The following SETBP1 variants were observed in gnomAD, a reference collection of about 807,000 sequenced individuals.
SETBP1 encodes the protein SET binding protein 1.
A neutral mutation model predicts 101.0 loss-of-function variants in SETBP1; 9 were observed. The observed-to-expected ratio is 0.09, with a 90% confidence interval of 0.05 to 0.16. The LOEUF is 0.16. SETBP1 is among the 10% of genes least tolerant of loss of function. The pLI is 1.00. For missense variants in SETBP1, 1,858 were observed against 2,033.8 expected, an observed-to-expected ratio of 0.91 and a Z score of 1.66; for synonymous variants, 818 against 788.5, an observed-to-expected ratio of 1.04 and a Z score of -0.63.
intron 4 of SETBP1, among the ~76,000 whole-genome samples, chr18:45,014,489 G>A (rs2072903096): frequency 6.6e-6 from 1 of 152,232 alleles, no homozygotes; most frequent in East Asian, 1.9e-4. Context: ...ACAGGTTCAT[G>A]TAGAATGGAA....
rs574033690 is a variant in SETBP1 at position 44,843,878 on chromosome 18, G to A, written c.487-25352G>A. On this transcript the variant is annotated intron_variant, in intron 2 of 5. Transcript: ENST00000649279. ...AAACCACCACAATTAAACTCCACAG[G>A]CATCTTTATCAGAGTGTCCTCCCAA... Among the ~76,000 whole-genome samples the A allele has an allele frequency of 8.5e-5, 13 of 152,222 alleles. 1 individual carries two copies. Among genetic ancestry groups the A allele is most frequent in the Admixed American group, 2.6e-4 (4 of 15,290 alleles).
intron 3 of SETBP1, among the ~76,000 whole-genome samples, chr18:44,890,993 A>T (rs2069755828): frequency 1.3e-5 from 2 of 152,178 alleles, no homozygotes; most frequent in African/African-American, 4.8e-5. Flanking sequence ...GACATACTGA[A>T]GACTGGGCAA....
chr18:44,892,635 G>T (rs551164050), intron 3 of SETBP1, among the ~76,000 whole-genome samples: 120 of 152,186 alleles, frequency 7.9e-4, no homozygotes, highest in African/African-American at 2.2e-3. Context: ...TTTGTGGCTG[G>T]ACAGCTTTTA....
chr18:45,056,044 A>T (rs1464844198), intron 5 of SETBP1, among the ~76,000 whole-genome samples: 1 of 152,184 alleles, frequency 6.6e-6, no homozygotes, highest in Admixed American at 6.5e-5. Flanking sequence ...GCAGGGTAAC[A>T]TTACTGACAG....
At chr18:44,800,803 T>C (rs2071590614) in intron 2 of SETBP1, among the ~76,000 whole-genome samples, 1 of 152,106 alleles carries the variant, frequency 6.6e-6, no homozygotes, top group African/African-American at 2.4e-5. Context: ...TTAAAAGCAG[T>C]GGGTGCCATT....
At chr18:44,903,061 G>A (rs1393055505) in intron 3 of SETBP1, among the ~76,000 whole-genome samples, 1 of 152,092 alleles carries the variant, frequency 6.6e-6, no homozygotes, top group Non-Finnish European at 1.5e-5. Flanking sequence ...ATTGCAGGAA[G>A]CATGACCATC....
At chr18:45,061,362 A>G (rs970466267) in intron 5 of SETBP1, among the ~76,000 whole-genome samples, 3 of 152,218 alleles carry the variant, frequency 2.0e-5, no homozygotes, top group African/African-American at 7.2e-5. Context: ...ACAGACAGGC[A>G]TTGGTTCTTG....
chr18:44,906,043 CAGT>C (rs2070167531), intron 3 of SETBP1, among the ~76,000 whole-genome samples: 1 of 152,166 alleles, frequency 6.6e-6, no homozygotes, highest in African/African-American at 2.4e-5. Context: ...GGCCCAGCAG[CAGT>C]TCTGATTAGA....
chr18:44,789,949 C>T (rs1035469189), intron 2 of SETBP1, among the ~76,000 whole-genome samples: 2 of 152,202 alleles, frequency 1.3e-5, no homozygotes, highest in African/African-American at 2.4e-5. Context: ...GTGTGACAAG[C>T]TGTGTGATCC....
chr18:44,908,956 C>A (rs958401150), intron 3 of SETBP1, among the ~76,000 whole-genome samples: 2 of 152,146 alleles, frequency 1.3e-5, no homozygotes, highest in African/African-American at 2.4e-5. Context: ...TATATTTTTG[C>A]CATATTTATT....
At chr18:44,966,912 A>G (rs955806047) in intron 4 of SETBP1, among the ~76,000 whole-genome samples, 7 of 152,218 alleles carry the variant, frequency 4.6e-5, no homozygotes, top group Non-Finnish European at 7.3e-5. Context: ...ATGAGAGCCA[A>G]AGAAGGGTAA....
At chr18:44,746,354 C>T (rs557146954) in intron 2 of SETBP1, among the ~76,000 whole-genome samples, 2 of 152,270 alleles carry the variant, frequency 1.3e-5, no homozygotes, top group South Asian at 4.1e-4. Flanking sequence ...ATAATAAGCA[C>T]TCAATAAGTG....
intron 2 of SETBP1, among the ~76,000 whole-genome samples, chr18:44,714,201 G>T (rs1045671545): frequency 1.3e-5 from 2 of 151,768 alleles, no homozygotes; most frequent in Non-Finnish European, 2.9e-5. Context: ...TTCTTCTTAG[G>T]TCTCCTTTTT....
At chr18:45,001,837 G>A (rs570958047) in intron 4 of SETBP1, among the ~76,000 whole-genome samples, 7 of 152,110 alleles carry the variant, frequency 4.6e-5, no homozygotes, top group African/African-American at 7.2e-5. Flanking sequence ...CTTCATGCTC[G>A]GTTAACTCAT....
intron 2 of SETBP1, among the ~76,000 whole-genome samples, chr18:44,738,845 C>T (rs893240236): frequency 6.6e-6 from 1 of 151,806 alleles, no homozygotes; most frequent in African/African-American, 2.4e-5. Flanking sequence ...ACAGAGTCTC[C>T]TTTTATGTGT....
chr18:44,954,865 C>T (rs950941598), intron 4 of SETBP1, among the ~76,000 whole-genome samples: 2 of 152,178 alleles, frequency 1.3e-5, no homozygotes, highest in African/African-American at 4.8e-5. Flanking sequence ...CTACCTTGAC[C>T]TTGCATGACA....
intron 4 of SETBP1, among the ~76,000 whole-genome samples, chr18:45,034,998 C>T (rs996217112): frequency 1.9e-4 from 22 of 116,486 alleles, no homozygotes; most frequent in South Asian, 6.9e-4. Context: ...TTTCAAATGC[C>T]CCCCCCGCCC....
intron 2 of SETBP1, among the ~76,000 whole-genome samples, chr18:44,775,867 A>G (rs1412732996): frequency 6.6e-6 from 1 of 152,234 alleles, no homozygotes; most frequent in African/African-American, 2.4e-5. Flanking sequence ...TTTGTGGTCC[A>G]GAGAAGCAGA....
chr18:44,765,479 G>GT (rs1400871718), intron 2 of SETBP1, among the ~76,000 whole-genome samples: 1 of 152,082 alleles, frequency 6.6e-6, no homozygotes, highest in African/African-American at 2.4e-5. Context: ...GTTTATGTAG[G>GT]TTTTTTGTTT....
Sources: allele counts gnomAD v4.1 joint callset (sites outside exome capture counted in the v4.1 genomes callset), GRCh38; gene constraint gnomAD v4.1.1; transcripts MANE v1.5; gene names NCBI Gene and HGNC (gene_info 2026-07-23, HGNC 2026-07-21).